GALC: variants seen among roughly 807,000 people sequenced by gnomAD.
The protein encoded by GALC is galactocerebrosidase.
GALC carries 77 observed loss-of-function variants against 91.8 expected under a neutral mutation model. The observed-to-expected ratio is 0.84, with a 90% CI of 0.70 to 1.01. The LOEUF (loss-of-function observed/expected upper bound fraction) is 1.01. Among genes scored for constraint, GALC ranks in the 50% least tolerant of loss-of-function variants. The pLI is 0.00. For synonymous variants in GALC, 357 were observed against 306.7 expected (o/e 1.16, Z -1.71); for missense variants, 882 against 855.9 (o/e 1.03, Z -0.38).
chr14:87,976,395 G>C lies in GALC; in HGVS notation c.715C>G (p.Leu239Val). 6.2e-7 allele frequency: 1 copy of C among 1,613,988 alleles called. No homozygotes were observed. ...LWESISASMLLDAELFKVVDV... is the reference protein window; with the variant it reads ...LWESISASMLVDAELFKVVDV... ...ACCACCTTGAAGAGTTCGGCATCAAGGAGCATGGATGCAGAGATGGACTCC... is the reference window on the plus strand; with the variant it reads ...ACCACCTTGAAGAGTTCGGCATCAACGAGCATGGATGCAGAGATGGACTCC... Residue 239 changes from leucine to valine, a missense_variant, in exon 7 of 17, where the codon CTT (leucine) becomes GTT (valine). Leu to Val is a conservative substitution (Grantham distance 32). Transcript: ENST00000261304.
Position 87,974,248 on chromosome 14 carries a change from A to G in GALC, c.752+2110T>C, listed in dbSNP as rs148187643. Among the ~76,000 whole-genome samples, 308 of 152,306 alleles carry G rather than the reference A, an allele frequency of 2.0e-3. 5 individuals carry two copies. The highest frequency in any genetic ancestry group is 7.0e-3 in the African/African-American group (293 of 41,590). On this transcript the variant is annotated intron_variant, in intron 7 of 16. Transcript: ENST00000261304. ...AAACGGCCTTGAAAGGTAAAGAATA[A>G]AAGGGCAAAAATATATTAGGCAAAT...
chr14:87,966,748 T>C (rs919336789), intron 8 of GALC, among the ~76,000 whole-genome samples: 8 of 152,204 alleles, frequency 5.3e-5, no homozygotes, highest in Non-Finnish European at 7.3e-5. Context: ...ATCTATGTAT[T>C]TCTGACCATT....
chr14:87,938,323 A>G (rs1209835169), intron 16 of GALC, among the ~76,000 whole-genome samples: 1 of 151,992 alleles, frequency 6.6e-6, no homozygotes, highest in Non-Finnish European at 1.5e-5. Context: ...AAGCAACAGA[A>G]AGGAGTTAGA....
At chr14:87,958,939 A>C (rs1462222900) in intron 10 of GALC, among the ~76,000 whole-genome samples, 2 of 152,216 alleles carry the variant, frequency 1.3e-5, no homozygotes, top group African/African-American at 4.8e-5. Flanking sequence ...CTGGGCAAGA[A>C]TTTTTTAAAT....
At chr14:87,981,798 A>G (rs1032081939) in intron 6 of GALC, among the ~76,000 whole-genome samples, 6 of 152,180 alleles carry the variant, frequency 3.9e-5, no homozygotes, top group Non-Finnish European at 8.8e-5. Context: ...GTACTATAAC[A>G]CACTCCAATA....
intron 9 of GALC, 63 bp downstream of exon 9, chr14:87,965,442 G>GT (rs1459593515): frequency 4.3e-5 from 67 of 1,562,712 alleles, no homozygotes; most frequent in Non-Finnish European, 5.4e-5. Context: ...TCTTCTCTAA[G>GT]TTTTTTTCTG....
At chr14:87,956,656 C>T (rs752128600) in intron 10 of GALC, among the ~76,000 whole-genome samples, 86 of 151,040 alleles carry the variant, frequency 5.7e-4, no homozygotes, top group Non-Finnish European at 1.1e-3. Flanking sequence ...TTCCTTTATC[C>T]ACTCATCAGT....
chr14:87,950,603 C>A (rs1426481918), intron 11 of GALC, 56 bp downstream of exon 11: 3 of 1,112,442 alleles, frequency 2.7e-6, no homozygotes, highest in Non-Finnish European at 4.1e-6. Context: ...TGGCCTGTGA[C>A]AGAATATATA....
In GALC at chr14:87,984,411, C is replaced by A; in HGVS notation, c.565G>T (p.Asp189Tyr). 1.9e-6 allele frequency: 3 copies of A among 1,613,832 alleles called. No homozygotes were observed. The highest frequency in any genetic ancestry group is 2.5e-6 in the Non-Finnish European group (3 of 1,179,822). Residue 189 changes from aspartate to tyrosine, a missense_variant, in exon 5 of 17, where the codon GAC becomes TAC. Transcript: ENST00000261304. ...IVGAKRYHDLDIDYIGIWNER... is the reference protein window; with the variant it reads ...IVGAKRYHDLYIDYIGIWNER... ...TTACTAACTCCAATATAATCAATGT[C>A]CAAATCATGGTAACGCTTGGCGCCC...
rs375231645 is a variant in GALC, at chr14:87,976,338, C to G, written c.752+20G>C. On this transcript the variant is annotated intron_variant, in intron 7 of 16. Coordinates refer to ENST00000261304, the MANE Select transcript of GALC (RefSeq NM_000153.4). ...CAAGCAATCAGAAACTGCTAGTTTT[C>G]CAAGTAAAACATGCCTTACCCTATA... 36 of 1,613,216 alleles carry G rather than the reference C, an allele frequency of 2.2e-5. No individual in the cohort carries two copies. The highest frequency in any genetic ancestry group is 3.1e-5 in the Non-Finnish European group (36 of 1,179,792).
At chr14:87,986,125 A>T (rs978728536) in intron 4 of GALC, among the ~76,000 whole-genome samples, 7 of 152,342 alleles carry the variant, frequency 4.6e-5, no homozygotes, top group Admixed American at 2.0e-4. Flanking sequence ...CTGATGACAG[A>T]TCTTGTGAAG....
intron 1 of GALC, among the ~76,000 whole-genome samples, chr14:87,989,819 G>A (rs544651336): frequency 1.3e-5 from 2 of 152,104 alleles, no homozygotes; most frequent in African/African-American, 2.4e-5. Context: ...TGCTAAGACC[G>A]TCCCTTTCCC....
At position 87,950,533 on chromosome 14, in the gene GALC, C is replaced by T. The variant is rs1885258669; in HGVS notation, c.1251+126G>A. 2.9e-5 allele frequency: 19 copies of T among 655,804 alleles called. No homozygotes were observed. In the South Asian group the frequency reaches 3.2e-4, roughly 11 times the overall value. 40.6% of individuals were successfully genotyped at this position (655,804 alleles called of 1,614,324 possible). A position where few individuals can be genotyped will look rare whatever the true frequency, so the allele number is the denominator to read the frequency against. ...CGGAAGACAGAAGACACCAGGGCCT[C>T]TGTCAATTCATATGCAAACTGTTAA... On this transcript the variant is annotated intron_variant, in intron 11 of 16. Transcript: ENST00000261304.
At chr14:87,980,154 G>A (rs113208911) in intron 6 of GALC, among the ~76,000 whole-genome samples, 17,148 of 152,024 alleles carry the variant, frequency 0.11, 1,112 homozygotes, top group Non-Finnish European at 0.16. Flanking sequence ...AGGCCGAGGC[G>A]GGCGGATCAC....
intron 7 of GALC, among the ~76,000 whole-genome samples, chr14:87,975,474 T>C (rs991964050): frequency 6.6e-6 from 1 of 152,134 alleles, no homozygotes; most frequent in Non-Finnish European, 1.5e-5. Flanking sequence ...ATAATCCTTA[T>C]CTTTGGAGAC....
At position 87,954,156 on chromosome 14, in the gene GALC, C is replaced by T. The variant is rs558123147; in HGVS notation, c.1162-3408G>A. 4.8e-5 allele frequency: 77 copies of T among 1,602,690 alleles called. 1 individual carries two copies. In the South Asian group the frequency reaches 7.5e-4, roughly 16 times the overall value. On this transcript the variant is annotated intron_variant, in intron 10 of 16. Coordinates refer to ENST00000261304, the MANE Select transcript of GALC (RefSeq NM_000153.4). ...AGTTAGTGATGTTGTACTTCAAGAC[C>T]TACTGGCACAGGTGTCCTCAAAACA...
At chr14:87,939,782 G>C in intron 16 of GALC, 123 bp downstream of exon 16, 3 of 795,484 alleles carry the variant, frequency 3.8e-6, no homozygotes, top group Non-Finnish European at 6.6e-6. Context: ...CCGGCACCAA[G>C]GCAGATTCTT....
chr14:87,968,362 T>C lies in GALC; in HGVS notation c.881A>G (p.Gln294Arg). The change falls in exon 8 of 17, where the codon CAG (glutamine) becomes CGG (arginine). Residue 294 changes from glutamine (Q) to arginine (R), a missense_variant. Coordinates refer to ENST00000261304, the MANE Select transcript of GALC (RefSeq NM_000153.4). ...GAGCWGRILN[Q>R]NYINGYMTST... ...AGTCATATAGCCATTGATATAATTC[T>C]GATTTAAAATGCGACCCCAGCAGCC... 6.2e-7 allele frequency: 1 copy of C among 1,613,540 alleles called. No homozygotes were observed.
chr14:87,979,910 C>T (rs1567004861), intron 6 of GALC, among the ~76,000 whole-genome samples: 1 of 152,130 alleles, frequency 6.6e-6, no homozygotes, highest in African/African-American at 2.4e-5. Flanking sequence ...CTTACAATCC[C>T]TGTGCTCCAA....
Sources: gnomAD v4.1 joint callset for allele counts (sites outside exome capture counted in the v4.1 genomes callset) on GRCh38, gnomAD v4.1.1 for gene constraint, MANE v1.5 for transcripts, NCBI Gene and HGNC (gene_info 2026-07-23, HGNC 2026-07-21) for gene names.